Variants in CTNNA2 observed in about 807,000 individuals in gnomAD.
CTNNA2 encodes catenin alpha 2.
Under a neutral mutation model 101.0 loss-of-function variants are expected in CTNNA2, and 42 were observed. The ratio of observed to expected loss-of-function variants is 0.42; its 90% CI spans 0.32 to 0.54. The LOEUF (loss-of-function observed/expected upper bound fraction) is 0.54, where lower values mean the gene tolerates loss of function less well. Among genes scored for constraint, CTNNA2 ranks in the 20% least tolerant of loss-of-function variants. CTNNA2 has a pLI of 0.14. For missense variants in CTNNA2, 871 were observed against 1,223.1 expected (o/e 0.71, Z 4.29); for synonymous variants, 450 against 456.4 (o/e 0.99, Z 0.18).
At chr2:80,423,300 T>G (rs561562314) in intron 9 of CTNNA2, among the ~76,000 whole-genome samples, 16 of 152,280 alleles carry the variant, frequency 1.1e-4, no homozygotes, top group African/African-American at 2.9e-4. Flanking sequence ...CTTATTTTAG[T>G]GCTGTACTCA....
At chr2:79,257,128 C>A (rs577163669) in intron 2 of CTNNA2, among the ~76,000 whole-genome samples, 2 of 152,214 alleles carry the variant, frequency 1.3e-5, no homozygotes, top group East Asian at 1.9e-4. Context: ...CTTTACTCTC[C>A]TTTTTGCCTT....
intron 2 of CTNNA2, among the ~76,000 whole-genome samples, chr2:79,674,373 G>A (rs1161950146): frequency 2.0e-5 from 3 of 152,150 alleles, no homozygotes; most frequent in African/African-American, 7.2e-5. Flanking sequence ...CATCTTTGCT[G>A]ATTGGAGCCA....
At chr2:79,436,002 ACCTGTGTCTGCAAAACCACACGGGTT>A (rs1369025315) in intron 4 of CTNNA2, among the ~76,000 whole-genome samples, 6 of 152,062 alleles carry the variant, frequency 3.9e-5, no homozygotes, top group Non-Finnish European at 7.4e-5. Flanking sequence ...CATCAAAATC[ACCTGTGTCTGCAAAACCACACGGGTT>A]CCTGACCACT....
At chr2:79,667,318 G>A (rs1912695) in intron 2 of CTNNA2, among the ~76,000 whole-genome samples, 6,001 of 152,186 alleles carry the variant, frequency 0.039, 385 homozygotes, top group African/African-American at 0.14. Flanking sequence ...AGCAATCAGT[G>A]TTTTCTTTTG....
chr2:79,986,996 C>T (rs959821096), intron 7 of CTNNA2, among the ~76,000 whole-genome samples: 4 of 152,190 alleles, frequency 2.6e-5, no homozygotes, highest in African/African-American at 7.2e-5. Context: ...GTGGAAGTGT[C>T]TGGGGGTTGA....
intron 7 of CTNNA2, among the ~76,000 whole-genome samples, chr2:80,199,182 G>GAAAAAAA (rs70940076): frequency 4.7e-4 from 19 of 40,062 alleles, no homozygotes; most frequent in African/African-American, 1.3e-3. Context: ...CTCCATCTCA[G>GAAAAAAA]AAAAAAAAAA....
intron 7 of CTNNA2, among the ~76,000 whole-genome samples, chr2:80,133,229 G>C (rs879510459): frequency 6.6e-6 from 1 of 152,114 alleles, no homozygotes; most frequent in Non-Finnish European, 1.5e-5. Context: ...AACAACTGGG[G>C]CTACCTGAGC....
intron 7 of CTNNA2, among the ~76,000 whole-genome samples, chr2:80,044,843 G>T (rs1304253637): frequency 1.3e-5 from 2 of 152,036 alleles, no homozygotes; most frequent in Non-Finnish European, 2.9e-5. Context: ...TGAGATCAGT[G>T]ATCTTTACTC....
intron 14 of CTNNA2, among the ~76,000 whole-genome samples, chr2:80,587,832 C>T (rs1404355902): frequency 6.6e-6 from 1 of 152,152 alleles, no homozygotes; most frequent in African/African-American, 2.4e-5. Context: ...TATTCACATT[C>T]CCCTGTCTGT....
At chr2:80,391,897 G>A (rs551094216) in intron 7 of CTNNA2, among the ~76,000 whole-genome samples, 1 of 152,334 alleles carries the variant, frequency 6.6e-6, no homozygotes, top group East Asian at 1.9e-4. Context: ...GAGTGGGAAA[G>A]GATGATGGGG....
At chr2:79,260,473 A>G (rs754717737) in intron 2 of CTNNA2, among the ~76,000 whole-genome samples, 1 of 152,134 alleles carries the variant, frequency 6.6e-6, no homozygotes, top group Non-Finnish European at 1.5e-5. Context: ...TTTCCTAGTC[A>G]CTTGGGTTTG....
intron 7 of CTNNA2, among the ~76,000 whole-genome samples, chr2:80,374,599 C>T (rs544832888): frequency 1.3e-5 from 2 of 151,974 alleles, no homozygotes; most frequent in Admixed American, 1.3e-4. Context: ...GGGTTGGTTT[C>T]TTCTGAGGCC....
At chr2:80,615,788 A>C (rs983741678) in intron 17 of CTNNA2, among the ~76,000 whole-genome samples, 12 of 151,716 alleles carry the variant, frequency 7.9e-5, no homozygotes, top group Admixed American at 6.6e-4. Flanking sequence ...TTAGAAAAGA[A>C]ATATGTGCCA....
chr2:80,563,558 G>A (rs1246001973), intron 12 of CTNNA2, among the ~76,000 whole-genome samples: 1 of 152,126 alleles, frequency 6.6e-6, no homozygotes, highest in African/African-American at 2.4e-5. Flanking sequence ...AATTTGTTTT[G>A]TAGAGACAGG....
intron 7 of CTNNA2, among the ~76,000 whole-genome samples, chr2:80,183,643 C>T (rs1316100175): frequency 3.3e-5 from 5 of 151,968 alleles, no homozygotes; most frequent in East Asian, 3.9e-4. Context: ...TCACTGCAGC[C>T]GGATGTTGTT....
chr2:80,471,099 T>C (rs556266084), intron 9 of CTNNA2, among the ~76,000 whole-genome samples: 1 of 152,272 alleles, frequency 6.6e-6, no homozygotes, highest in South Asian at 2.1e-4. Context: ...TATATTATCC[T>C]AATTGCAGTG....
chr2:80,503,196 AAAAG>A lies in CTNNA2; in HGVS notation c.1291-41778_1291-41775del, dbSNP rs567260502. On this transcript the variant is annotated intron_variant, in intron 9 of 18. Transcript: ENST00000402739. ...CAAAAAAAAAACCATAAATAAAAAT[AAAAG>A]AAAGAAATTCTACCAATTGCAAAAC... Among the ~76,000 whole-genome samples the A allele has an allele frequency of 1.9e-4, 29 of 152,300 alleles. No individual in the cohort carries two copies. The South Asian group carries it at 4.8e-3, about 25-fold the overall frequency.
chr2:79,626,714 C>T (rs1679334831), intron 1 of CTNNA2, among the ~76,000 whole-genome samples: 1 of 150,768 alleles, frequency 6.6e-6, no homozygotes, highest in African/African-American at 2.4e-5. Context: ...GAAAGCTAAA[C>T]AGGGCTGGCT....
intron 12 of CTNNA2, among the ~76,000 whole-genome samples, chr2:80,565,137 C>T (rs1338789663): frequency 1.3e-5 from 2 of 152,116 alleles, no homozygotes; most frequent in Non-Finnish European, 2.9e-5. Flanking sequence ...TGTGTTTCTA[C>T]TGGGCTAGGC....
Sources: gnomAD v4.1 joint callset for allele counts (sites outside exome capture counted in the v4.1 genomes callset) on GRCh38, gnomAD v4.1.1 for gene constraint, MANE v1.5 for transcripts, NCBI Gene and HGNC (gene_info 2026-07-23, HGNC 2026-07-21) for gene names.